EFCAB8: variants seen among roughly 807,000 people sequenced by gnomAD.
EFCAB8 encodes EF-hand calcium binding domain 8.
EFCAB8 carries 100 observed loss-of-function variants against 116.3 expected under a neutral mutation model. That is an observed-to-expected ratio of 0.86 (90% confidence interval 0.73 to 1.02). EFCAB8 has a LOEUF of 1.02. EFCAB8 is among the 50% of genes least tolerant of loss of function. The pLI, the probability that EFCAB8 is intolerant of heterozygous loss-of-function variation, is 0.00. For synonymous variants in EFCAB8, 558 were observed against 567.9 expected, an observed-to-expected ratio of 0.98 and a Z score of 0.25; for missense variants, 1,320 against 1,416.9, an observed-to-expected ratio of 0.93 and a Z score of 1.10.
chr20:32,898,676 T>G (rs1600398832), intron 11 of EFCAB8, 53 bp downstream of exon 11: 1 of 701,492 alleles, frequency 1.4e-6, no homozygotes, highest in Non-Finnish European at 2.7e-6. Context: ...GGGAGGGGGG[T>G]GGTGAGTGGA....
intron 7 of EFCAB8, among the ~76,000 whole-genome samples, chr20:32,890,422 G>A (rs1032292031): frequency 6.6e-6 from 1 of 152,196 alleles, no homozygotes; most frequent in Admixed American, 6.5e-5. Context: ...TTCCCTTCAA[G>A]GTCCCCTTTC....
At chr20:32,919,361 G>A (rs1340721327) in intron 19 of EFCAB8, among the ~76,000 whole-genome samples, 1 of 152,170 alleles carries the variant, frequency 6.6e-6, no homozygotes, top group African/African-American at 2.4e-5. Context: ...GGTCTGCTAG[G>A]ATATAATTTT....
At chr20:32,927,518 T>C (rs1987719818) in intron 20 of EFCAB8, among the ~76,000 whole-genome samples, 1 of 152,152 alleles carries the variant, frequency 6.6e-6, no homozygotes, top group African/African-American at 2.4e-5. Flanking sequence ...CTGATTTTTG[T>C]ATTTTTAGTG....
chr20:32,959,701 A>T, intron 24 of EFCAB8, 77 bp from the exon 25 acceptor site: 1 of 1,094,440 alleles, frequency 9.1e-7, no homozygotes, highest in Non-Finnish European at 1.3e-6. Context: ...GGAAGGGGAG[A>T]GGCTTTCAGG....
chr20:32,908,052 A>AGC, intron 13 of EFCAB8, among the ~76,000 whole-genome samples: 2 of 152,206 alleles, frequency 1.3e-5, no homozygotes, highest in South Asian at 4.2e-4. Context: ...CTGGGGGTGG[A>AGC]GCTGTGCCCG....
At chr20:32,954,743 C>G (rs1475712677) in intron 23 of EFCAB8, among the ~76,000 whole-genome samples, 2 of 152,152 alleles carry the variant, frequency 1.3e-5, no homozygotes, top group Non-Finnish European at 2.9e-5. Flanking sequence ...TAAAAAAAAT[C>G]ATAAATAGGT....
At chr20:32,945,888 T>A (rs1394827831) in intron 23 of EFCAB8, among the ~76,000 whole-genome samples, 1 of 152,236 alleles carries the variant, frequency 6.6e-6, no homozygotes, top group Non-Finnish European at 1.5e-5. Flanking sequence ...TATCTCTTGC[T>A]CTCTCTGGTG....
intron 2 of EFCAB8, among the ~76,000 whole-genome samples, chr20:32,866,369 C>G (rs962981425): frequency 2.6e-5 from 4 of 152,158 alleles, no homozygotes; most frequent in African/African-American, 9.7e-5. Flanking sequence ...CTGCCTGCCA[C>G]TCAGGTCATC....
intron 23 of EFCAB8, among the ~76,000 whole-genome samples, chr20:32,950,100 AG>A (rs1988755257): frequency 6.6e-6 from 1 of 152,268 alleles, no homozygotes; most frequent in Non-Finnish European, 1.5e-5. Flanking sequence ...AAATCGTAGG[AG>A]AAAACCTTTG....
At chr20:32,877,634 T>A (rs1351197543) in intron 4 of EFCAB8, among the ~76,000 whole-genome samples, 2 of 152,278 alleles carry the variant, frequency 1.3e-5, no homozygotes, top group South Asian at 4.1e-4. Context: ...CTTTACCCAG[T>A]GGTCCTTGTT....
intron 20 of EFCAB8, among the ~76,000 whole-genome samples, chr20:32,925,567 T>C (rs370321314): frequency 7.2e-5 from 11 of 152,122 alleles, no homozygotes; most frequent in African/African-American, 2.7e-4. Flanking sequence ...TGTCCAGGCT[T>C]GTCTCGAACT....
rs143151947 is a variant in EFCAB8 at position 32,884,376 on chromosome 20, C to T, written c.432-1129C>T. 1.4e-3 allele frequency among the ~76,000 whole-genome samples: 212 copies of T among 152,300 alleles called. 3 individuals are homozygous for T. In the East Asian group the frequency reaches 0.028, roughly 20 times the overall value. ...GATGGCCTGTCCTTAGGGCTGTCTT[C>T]CCTTTTCCTAGCTGTCACCTATCAT... On this transcript the variant is annotated intron_variant, in intron 5 of 26. Transcript: ENST00000400522.
At chr20:32,923,626 G>T (rs552640095) in intron 20 of EFCAB8, among the ~76,000 whole-genome samples, 1 of 152,242 alleles carries the variant, frequency 6.6e-6, no homozygotes, top group East Asian at 1.9e-4. Context: ...GAATTTTTTT[G>T]TGCATATACA....
chr20:32,936,311 C>T (rs543765011), intron 22 of EFCAB8, among the ~76,000 whole-genome samples: 11 of 152,150 alleles, frequency 7.2e-5, no homozygotes, highest in South Asian at 4.2e-4. Context: ...TGGGATTACA[C>T]GTGTGAGCCA....
At chr20:32,859,452 C>G (rs577680378) in intron 1 of EFCAB8, among the ~76,000 whole-genome samples, 17 of 152,188 alleles carry the variant, frequency 1.1e-4, no homozygotes, top group South Asian at 4.1e-4. Context: ...TTGCTTTTGC[C>G]CTTTTCTTTT....
In EFCAB8 at chr20:32,961,519, G is replaced by A; in HGVS notation, c.3777G>A (p.Lys1259=). ...KSTLQGSVTP[K]HIVSSFERPP... ...CCCTGCAGGGGTCAGTGACCCCCAA[G>A]CACATTGTCTCCTCCTTCGAGCGGC... The change falls in exon 27 of 27, where the codon AAG becomes AAA. Residue 1259 remains lysine, a synonymous_variant. Coordinates refer to ENST00000400522, the MANE Select transcript of EFCAB8 (RefSeq NM_001143967.2). 7.0e-7 allele frequency: 1 copy of A among 1,424,504 alleles called. No individual in the cohort carries two copies. Among genetic ancestry groups the A allele is most frequent in the Admixed American group, 3.1e-5 (1 of 32,168 alleles). The allele number at this position is 1,424,504 out of a possible 1,614,324, so 88.2% of individuals were successfully genotyped here. A position where few individuals can be genotyped will look rare whatever the true frequency, so the allele number is the denominator to read the frequency against.
chr20:32,877,957 G>A (rs1985072022), intron 4 of EFCAB8, among the ~76,000 whole-genome samples: 1 of 152,172 alleles, frequency 6.6e-6, no homozygotes, highest in Admixed American at 6.5e-5. Flanking sequence ...AATGCTGCGA[G>A]TAGGCCCTTC....
At chr20:32,890,735 C>CA (rs759593187) in intron 7 of EFCAB8, among the ~76,000 whole-genome samples, 77 of 152,242 alleles carry the variant, frequency 5.1e-4, no homozygotes, top group Non-Finnish European at 9.7e-4. Context: ...GACCTGGGTT[C>CA]AGGGCCTGGT....
chr20:32,938,748 A>G (rs1389503092), intron 22 of EFCAB8, among the ~76,000 whole-genome samples: 1 of 149,826 alleles, frequency 6.7e-6, no homozygotes, highest in African/African-American at 2.5e-5. Flanking sequence ...TGAAAATTGC[A>G]TAACATTATG....
Sources: gnomAD v4.1 joint callset for allele counts (sites outside exome capture counted in the v4.1 genomes callset) on GRCh38, gnomAD v4.1.1 for gene constraint, MANE v1.5 for transcripts, NCBI Gene and HGNC (gene_info 2026-07-23, HGNC 2026-07-21) for gene names.